Variants in DSCAML1 observed in about 807,000 individuals in gnomAD.
The protein encoded by DSCAML1 is cell adhesion molecule DSCAML1.
A neutral mutation model predicts 200.5 loss-of-function variants in DSCAML1; 38 were observed. The observed-to-expected ratio is 0.19, with a 90% CI of 0.15 to 0.25. DSCAML1 has a LOEUF of 0.25. Among genes scored for constraint, DSCAML1 ranks in the 10% least tolerant of loss-of-function variants. The probability of loss-of-function intolerance (pLI) is 1.00; values close to 1 mark genes in which losing one functional copy is unlikely to be tolerated. For missense variants in DSCAML1, 2,223 were observed against 2,858.8 expected (o/e 0.78, Z 5.07); for synonymous variants, 1,215 against 1,165.0 (o/e 1.04, Z -0.87).
chr11:117,534,742 T>C (rs1182094795), intron 3 of DSCAML1, among the ~76,000 whole-genome samples: 1 of 152,146 alleles, frequency 6.6e-6, no homozygotes, highest in Admixed American at 6.5e-5. Context: ...CCCCAGTAGC[T>C]GGGACCACAG....
intron 3 of DSCAML1, among the ~76,000 whole-genome samples, chr11:117,684,447 A>G (rs2053368494): frequency 6.7e-6 from 1 of 149,242 alleles, no homozygotes; most frequent in Non-Finnish European, 1.5e-5. Context: ...AAAAAAAAAA[A>G]AAAAAAAAAA....
intron 21 of DSCAML1, among the ~76,000 whole-genome samples, chr11:117,443,075 C>A (rs915788625): frequency 2.6e-5 from 4 of 152,198 alleles, no homozygotes; most frequent in Non-Finnish European, 5.9e-5. Context: ...GGCCAGGCTG[C>A]GCAGGCACCA....
chr11:117,668,252 G>C (rs1591380672), intron 3 of DSCAML1, among the ~76,000 whole-genome samples: 1 of 152,226 alleles, frequency 6.6e-6, no homozygotes, highest in African/African-American at 2.4e-5. Context: ...CTGAGACTCA[G>C]AAAGGTTGGC....
chr11:117,815,447 C>T (rs914695468), intron 1 of DSCAML1, among the ~76,000 whole-genome samples: 1 of 152,160 alleles, frequency 6.6e-6, no homozygotes, highest in Non-Finnish European at 1.5e-5. Flanking sequence ...GCAGGGCTTC[C>T]GGGGCCACAA....
intron 14 of DSCAML1, among the ~76,000 whole-genome samples, chr11:117,479,580 A>G (rs569637810): frequency 5.2e-4 from 79 of 152,184 alleles, no homozygotes; most frequent in Non-Finnish European, 9.3e-4. Context: ...GGCGCCCCAC[A>G]GTGCCTCACA....
chr11:117,564,387 G>T (rs1209012627), intron 3 of DSCAML1, among the ~76,000 whole-genome samples: 2 of 152,176 alleles, frequency 1.3e-5, no homozygotes, highest in Non-Finnish European at 2.9e-5. Context: ...TTATTCACCA[G>T]AGAACACACA....
At chr11:117,584,036 TGTG>T (rs2051094562) in intron 3 of DSCAML1, among the ~76,000 whole-genome samples, 1 of 152,320 alleles carries the variant, frequency 6.6e-6, no homozygotes, top group African/African-American at 2.4e-5. Context: ...AAGTCTGCTT[TGTG>T]GAGATTTTCC....
intron 3 of DSCAML1, among the ~76,000 whole-genome samples, chr11:117,635,449 T>G (rs1020163528): frequency 1.6e-5 from 2 of 122,202 alleles, no homozygotes; most frequent in African/African-American, 4.4e-5. Context: ...GTGTGTGTGG[T>G]GTGTGTGTGT....
At chr11:117,755,163 G>A (rs1182456666) in intron 3 of DSCAML1, among the ~76,000 whole-genome samples, 5 of 152,132 alleles carry the variant, frequency 3.3e-5, no homozygotes, top group African/African-American at 4.8e-5. Flanking sequence ...ACTGGGTAGC[G>A]CTTGGGTTTA....
intron 3 of DSCAML1, among the ~76,000 whole-genome samples, chr11:117,613,992 C>A (rs1179983914): frequency 6.6e-6 from 1 of 152,002 alleles, no homozygotes; most frequent in Non-Finnish European, 1.5e-5. Flanking sequence ...AATTTGGGGG[C>A]TCTCTGGGTG....
At position 117,809,893 on chromosome 11, in the gene DSCAML1, A is replaced by ACC. The variant is rs1426250301; in HGVS notation, c.-250+7495_-250+7496dup. Among the ~76,000 whole-genome samples, 695 of 150,590 alleles carry ACC rather than the reference A, an allele frequency of 4.6e-3. 4 individuals are homozygous for ACC. The highest frequency in any genetic ancestry group is 0.016 in the African/African-American group (655 of 41,168). On this transcript the variant is annotated intron_variant, in intron 1 of 2. Transcript: ENST00000525836. The stretch of plus-strand genomic sequence containing the variant: ...CATTCACATACTCTTACACACACAC[A>ACC]CCCACACACTCACACACACATTCAC...
intron 1 of DSCAML1, among the ~76,000 whole-genome samples, chr11:117,785,256 C>T (rs75562690): frequency 0.084 from 12,776 of 152,100 alleles, 581 homozygotes; most frequent in Middle Eastern, 0.13. Flanking sequence ...ATATGTGACC[C>T]GGGGGCTGAA....
chr11:117,790,240 G>C (rs2055435588), intron 1 of DSCAML1, among the ~76,000 whole-genome samples: 1 of 152,252 alleles, frequency 6.6e-6, no homozygotes, highest in Non-Finnish European at 1.5e-5. Context: ...TCCCTGCAGG[G>C]AGAATGTCCC....
At chr11:117,446,790 C>T (rs1283833391) in intron 20 of DSCAML1, among the ~76,000 whole-genome samples, 1 of 152,162 alleles carries the variant, frequency 6.6e-6, no homozygotes, top group African/African-American at 2.4e-5. Flanking sequence ...AGTCTGTATG[C>T]AGAACTTTAA....
At chr11:117,492,198 G>A (rs2049195237) in intron 11 of DSCAML1, among the ~76,000 whole-genome samples, 1 of 152,132 alleles carries the variant, frequency 6.6e-6, no homozygotes, top group African/African-American at 2.4e-5. Flanking sequence ...TCCTATGACA[G>A]CAGCTGCCTC....
At chr11:117,458,606 C>G in intron 19 of DSCAML1, 148 bp downstream of exon 19, 1 of 1,082,572 alleles carries the variant, frequency 9.2e-7, no homozygotes, top group Non-Finnish European at 1.3e-6. Flanking sequence ...TAGAGCATTT[C>G]CCTCAAGAGT....
intron 8 of DSCAML1, among the ~76,000 whole-genome samples, chr11:117,508,205 C>A (rs1022199155): frequency 5.3e-5 from 8 of 152,292 alleles, no homozygotes; most frequent in African/African-American, 1.9e-4. Context: ...GGAAACTCCC[C>A]TATATCCTTT....
In DSCAML1 at chr11:117,733,319, TCTGGTAGCGCACTGC is replaced by T. The variant is rs552001781; in HGVS notation, c.511+43457_511+43471del. Among the ~76,000 whole-genome samples the T allele has an allele frequency of 2.6e-5, 4 of 152,250 alleles. No homozygotes were observed. In the East Asian group the frequency reaches 7.7e-4, roughly 29 times the overall value. On this transcript the variant is annotated intron_variant, in intron 3 of 32. Transcript: ENST00000651296. ...CAGAATGAATGCTAAGGAAGCATGG[TCTGGTAGCGCACTGC>T]CTCCCGAAGAATCCCTGGTGCAGAG... is the stretch of plus-strand genomic sequence containing the variant.
At chr11:117,649,117 C>T (rs1319581982) in intron 3 of DSCAML1, among the ~76,000 whole-genome samples, 1 of 150,988 alleles carries the variant, frequency 6.6e-6, no homozygotes, top group Non-Finnish European at 1.5e-5. Flanking sequence ...GCTCTTGTCA[C>T]CCAGGCTTGA....
Sources: gnomAD v4.1 joint callset for allele counts (sites outside exome capture counted in the v4.1 genomes callset) on GRCh38, gnomAD v4.1.1 for gene constraint, MANE v1.5 for transcripts, NCBI Gene and HGNC (gene_info 2026-07-23, HGNC 2026-07-21) for gene names.